The following PUDP variants were observed in gnomAD, a reference collection of about 807,000 sequenced individuals.
The protein encoded by PUDP is pseudouridine 5'-phosphatase, also known as pseudouridine-5'-phosphatase.
A neutral mutation model predicts 9.4 loss-of-function variants in PUDP; 8 were observed. The ratio of observed to expected loss-of-function variants is 0.85; its 90% confidence interval spans 0.50 to 1.53. The LOEUF is 1.53. Ranked by LOEUF, PUDP falls within the 40% of genes most tolerant of loss-of-function variation. PUDP has a pLI of 0.00. For synonymous variants in PUDP, 99 were observed against 80.7 expected, an observed-to-expected ratio of 1.23 and a Z score of -1.22; for missense variants, 188 against 189.7, an observed-to-expected ratio of 0.99 and a Z score of 0.05.
At chrX:7,106,187 C>G (rs756797743) in intron 1 of PUDP, among the ~76,000 whole-genome samples, 2 of 112,756 alleles carry the variant, frequency 1.8e-5, no homozygotes, top group Non-Finnish European at 3.7e-5. Context: ...CATCATTACT[C>G]GGTGTTCCCA....
At chrX:6,752,165 T>C (rs900455642) in intron 3 of PUDP, among the ~76,000 whole-genome samples, 4 of 111,859 alleles carry the variant, frequency 3.6e-5, no homozygotes, top group African/African-American at 1.3e-4. Flanking sequence ...TCACTTCAAA[T>C]TCTCTCTCCT....
intron 1 of PUDP, among the ~76,000 whole-genome samples, chrX:6,986,938 T>C (rs1929110942): frequency 8.9e-6 from 1 of 112,376 alleles, no homozygotes. Context: ...TTAAGTTGCT[T>C]CATGCAAATT....
intron 2 of PUDP, among the ~76,000 whole-genome samples, chrX:7,090,571 A>G (rs747119268): frequency 8.9e-6 from 1 of 112,144 alleles, no homozygotes; most frequent in Admixed American, 9.5e-5. Flanking sequence ...TGGTACAAAG[A>G]AAACTCAGTA....
chrX:7,073,985 T>A (rs950683502), intron 3 of PUDP, among the ~76,000 whole-genome samples: 4 of 112,874 alleles, frequency 3.5e-5, no homozygotes, highest in African/African-American at 1.3e-4. Context: ...GTGAGAGAAA[T>A]TCCTCCTCAT....
chrX:6,720,928 C>T (rs1924666602), intron 1 of PUDP, among the ~76,000 whole-genome samples: 1 of 111,115 alleles, frequency 9.0e-6, no homozygotes. Context: ...CCTTGCCCAT[C>T]AGAAGAAAAA....
At chrX:7,078,115 T>A (rs1340223624) in intron 2 of PUDP, among the ~76,000 whole-genome samples, 1 of 111,631 alleles carries the variant, frequency 9.0e-6, no homozygotes, top group African/African-American at 3.3e-5. Flanking sequence ...CACACTGTCA[T>A]TAGCCACACG....
intron 1 of PUDP, among the ~76,000 whole-genome samples, chrX:6,992,542 G>A (rs1929198852): frequency 9.1e-6 from 1 of 109,661 alleles, no homozygotes; most frequent in Admixed American, 9.7e-5. Context: ...AAAGTGCTGG[G>A]ATTACAGGCG....
chrX:6,818,066 A>G (rs1926280312), intron 3 of PUDP, among the ~76,000 whole-genome samples: 1 of 111,675 alleles, frequency 9.0e-6, no homozygotes, highest in African/African-American at 3.3e-5. Context: ...CTCAAAACCC[A>G]TATTCTATAT....
intron 3 of PUDP, among the ~76,000 whole-genome samples, chrX:6,865,962 C>T (rs1927077518): frequency 9.0e-6 from 1 of 110,973 alleles, no homozygotes; most frequent in Admixed American, 9.6e-5. Context: ...TCTCTGTTGC[C>T]CAGGCCGGAG....
chrX:7,101,811 A>C, intron 2 of PUDP, among the ~76,000 whole-genome samples: 1 of 111,898 alleles, frequency 8.9e-6, no homozygotes, highest in East Asian at 2.8e-4. Flanking sequence ...CATATGACTA[A>C]AATCAGAAAT....
intron 3 of PUDP, among the ~76,000 whole-genome samples, chrX:6,789,669 T>C (rs767086041): frequency 9.1e-6 from 1 of 110,123 alleles, no homozygotes; most frequent in African/African-American, 3.3e-5. Flanking sequence ...TGAGCATCGA[T>C]TGGATATAGG....
chrX:6,897,445 G>A (rs899984215), intron 3 of PUDP, among the ~76,000 whole-genome samples: 3 of 111,014 alleles, frequency 2.7e-5, no homozygotes, highest in East Asian at 2.8e-4. Context: ...CAGGATTCAC[G>A]ATTCAACATT....
intron 3 of PUDP, among the ~76,000 whole-genome samples, chrX:6,913,299 A>T (rs1473490838): frequency 8.9e-6 from 1 of 112,203 alleles, no homozygotes; most frequent in Non-Finnish European, 1.9e-5. Context: ...TAGCATCTGC[A>T]TTAGATAACA....
rs767170991 is a variant in PUDP, at chrX:7,043,212, T to C, written c.204+34008A>G. 1.5e-4 allele frequency among the ~76,000 whole-genome samples: 17 copies of C among 111,836 alleles called. No individual in the cohort carries two copies. In the South Asian group the frequency reaches 6.1e-3, roughly 40 times the overall value. On this transcript the variant is annotated intron_variant and NMD_transcript_variant, in intron 1 of 3. Coordinates refer to the PUDP transcript ENST00000655425. ...ATGCAAAACCCACGTTGAAATTTGA[T>C]CCCCAATGTTGGAGATGGGGATTTA... is the stretch of plus-strand genomic sequence containing the variant.
chrX:7,088,621 A>C (rs1931334411), intron 2 of PUDP, among the ~76,000 whole-genome samples: 2 of 112,193 alleles, frequency 1.8e-5, no homozygotes, highest in Middle Eastern at 4.6e-3. Context: ...CTAGACTAGG[A>C]CTTAAACAAT....
At chrX:7,134,597 CAG>C (rs1381127092) in intron 1 of PUDP, among the ~76,000 whole-genome samples, 1 of 112,101 alleles carries the variant, frequency 8.9e-6, no homozygotes, top group East Asian at 2.8e-4. Context: ...GTACTAAACA[CAG>C]GGTAGCAAAT....
chrX:7,050,290 T>C lies in PUDP; in HGVS notation c.*6A>G, dbSNP rs1410138340. The C allele has an allele frequency of 8.3e-7, 1 of 1,205,283 alleles. No individual in the cohort carries two copies. Among genetic ancestry groups the C allele is most frequent in the African/African-American group, 1.8e-5 (1 of 56,978 alleles). On this transcript the variant is annotated 3_prime_UTR_variant, in exon 4 of 4. Coordinates refer to ENST00000381077, the MANE Select transcript of PUDP (RefSeq NM_012080.5). ...GGCTGGGGGCGGAAGACTGAGGCCC[T>C]CCCTCTCACTCATAGGAGGGCAAAC... is the stretch of plus-strand genomic sequence containing the variant.
chrX:7,107,948 G>A (rs1406783928), intron 1 of PUDP, among the ~76,000 whole-genome samples: 3 of 112,611 alleles, frequency 2.7e-5, no homozygotes, highest in East Asian at 2.8e-4. Flanking sequence ...GGAGGAGGCC[G>A]GGAAGGTCTC....
chrX:7,144,918 C>A (rs1482591945), intron 1 of PUDP, among the ~76,000 whole-genome samples: 1 of 111,359 alleles, frequency 9.0e-6, no homozygotes, highest in Non-Finnish European at 1.9e-5. Flanking sequence ...ATTTTACATA[C>A]ACCAAAACTC....
Sources: allele counts gnomAD v4.1 joint callset (sites outside exome capture counted in the v4.1 genomes callset), GRCh38; gene constraint gnomAD v4.1.1; transcripts MANE v1.5; gene names NCBI Gene and HGNC (gene_info 2026-07-23, HGNC 2026-07-21).